Variants in CISD2 observed in about 807,000 individuals in gnomAD.
CISD2 encodes the protein CDGSH iron sulfur domain 2.
Under a neutral mutation model 12.9 loss-of-function variants are expected in CISD2, and 1 was observed. The observed-to-expected ratio is 0.08, with a 90% confidence interval of 0.03 to 0.37. The LOEUF is 0.37. CISD2 is among the 10% of genes least tolerant of loss of function. The pLI, the probability that CISD2 is intolerant of heterozygous loss-of-function variation, is 0.99. For synonymous variants in CISD2, 50 were observed against 60.6 expected (o/e 0.83, Z 0.81); for missense variants, 97 against 163.1 (o/e 0.59, Z 2.21).
intron 1 of CISD2, among the ~76,000 whole-genome samples, chr4:102,870,547 T>C (rs1348034036): frequency 6.6e-6 from 1 of 152,200 alleles, no homozygotes; most frequent in Non-Finnish European, 1.5e-5. Context: ...TTAAGAGTTT[T>C]AGTAGAAAAC....
intron 1 of CISD2, among the ~76,000 whole-genome samples, chr4:102,873,989 G>A (rs1020713779): frequency 2.0e-5 from 3 of 151,962 alleles, no homozygotes; most frequent in Non-Finnish European, 4.4e-5. Context: ...AGCCGGGTGT[G>A]GTAGTGCACA....
At chr4:102,874,755 G>T (rs556452981) in intron 1 of CISD2, 1 of 152,190 alleles carries the variant, frequency 6.6e-6, no homozygotes, top group Non-Finnish European at 1.5e-5. Flanking sequence ...GCAGTTTAGG[G>T]AATCCTAGTA....
chr4:102,891,253 C>T lies in CISD2; in HGVS notation c.*3823C>T, dbSNP rs750652878. On this transcript the variant is annotated 3_prime_UTR_variant, in exon 3 of 3. Coordinates refer to ENST00000273986, the MANE Select transcript of CISD2 (RefSeq NM_001008388.5). The stretch of plus-strand genomic sequence containing the variant: ...CCAGAGTCTACTTATTCTTACTTCA[C>T]ATTGAATTCTAACAAGTTTGGTTAT... 14 of 152,124 alleles carry T rather than the reference C, an allele frequency of 9.2e-5. No individual in the cohort carries two copies. The highest frequency in any genetic ancestry group is 1.9e-4 in the Non-Finnish European group (13 of 68,026). The allele number at this position is 152,124 out of a possible 1,614,324, so 9.4% of individuals were successfully genotyped here. A position where few individuals can be genotyped will look rare whatever the true frequency, so the allele number is the denominator to read the frequency against.
At chr4:102,883,499 C>T (rs1411544708) in intron 1 of CISD2, among the ~76,000 whole-genome samples, 1 of 152,198 alleles carries the variant, frequency 6.6e-6, no homozygotes, top group East Asian at 1.9e-4. Flanking sequence ...GTATCCTCTC[C>T]TCTTGGGAAC....
chr4:102,890,807 TCC>T lies in CISD2; in HGVS notation c.*3378_*3379del. 1 of 111,584 alleles carries T rather than the reference TCC, an allele frequency of 9.0e-6. No homozygotes were observed. Among genetic ancestry groups the T allele is most frequent in the Admixed American group, 1.1e-4 (1 of 8,926 alleles). 6.9% of individuals were successfully genotyped at this position (111,584 alleles called of 1,614,324 possible). A position where few individuals can be genotyped will look rare whatever the true frequency, so the allele number is the denominator to read the frequency against. ...GTGAGCCAAGATTGTGCCACTGCACTCCAGCCTGGGCAACAGAAGTGAAACCC... is the reference window on the plus strand; with the variant it reads ...GTGAGCCAAGATTGTGCCACTGCACTAGCCTGGGCAACAGAAGTGAAACCC... On this transcript the variant is annotated 3_prime_UTR_variant, in exon 3 of 3. Coordinates refer to ENST00000273986, the MANE Select transcript of CISD2 (RefSeq NM_001008388.5).
intron 1 of CISD2, among the ~76,000 whole-genome samples, chr4:102,874,292 C>T (rs1362703111): frequency 1.3e-5 from 2 of 152,012 alleles, no homozygotes; most frequent in African/African-American, 4.8e-5. Flanking sequence ...TATTCATGGA[C>T]ATGAAGATGG....
Position 102,869,074 on chromosome 4 carries a change from C to T in CISD2, c.-11C>T, listed in dbSNP as rs539010424. The T allele has an allele frequency of 7.5e-6, 12 of 1,605,106 alleles. No homozygotes were observed. The highest frequency in any genetic ancestry group is 2.7e-5 in the African/African-American group (2 of 74,746). Reference sequence around the variant, plus strand: ...GGGGGCTCGGGAGAGGAGTGGACGCCGCTGGCCAGGATGGTGCTGGAGAGC... The same window carrying T: ...GGGGGCTCGGGAGAGGAGTGGACGCTGCTGGCCAGGATGGTGCTGGAGAGC... On this transcript the variant is annotated 5_prime_UTR_variant, in exon 1 of 3. Transcript: ENST00000273986.
intron 1 of CISD2, among the ~76,000 whole-genome samples, chr4:102,876,050 A>G (rs1449474290): frequency 6.6e-6 from 1 of 152,100 alleles, no homozygotes; most frequent in East Asian, 1.9e-4. Context: ...TATTTCCTTT[A>G]TAACAGTTAC....
chr4:102,886,806 C>T (rs1349271803), intron 2 of CISD2, among the ~76,000 whole-genome samples: 7 of 151,868 alleles, frequency 4.6e-5, no homozygotes, highest in Admixed American at 6.6e-5. Context: ...TTAGAGATGG[C>T]GTTTTACCAT....
intron 1 of CISD2, chr4:102,874,674 G>A (rs1056429282): frequency 2.6e-5 from 4 of 152,148 alleles, no homozygotes; most frequent in Non-Finnish European, 5.9e-5. Context: ...CTAGAACTGT[G>A]AGTGAATACG....
At position 102,869,034 on chromosome 4, in the gene CISD2, C is replaced by G; in HGVS notation, c.-51C>G. On this transcript the variant is annotated 5_prime_UTR_variant, in exon 1 of 3. Coordinates refer to ENST00000273986, the MANE Select transcript of CISD2 (RefSeq NM_001008388.5). The stretch of plus-strand genomic sequence containing the variant: ...TCCGCTCCCGGCGCAGGCGCGGCAG[C>G]TTGGCCAGAGCGGAGGGGGCTCGGG... The G allele has an allele frequency of 6.4e-7, 1 of 1,562,920 alleles. No homozygotes were observed.
intron 2 of CISD2, 76 bp downstream of exon 2, chr4:102,885,506 A>C (rs929330494): frequency 3.6e-6 from 4 of 1,119,792 alleles, no homozygotes; most frequent in Non-Finnish European, 5.4e-6. Context: ...CCCAGTTTTG[A>C]AGTTCTTTAA....
In CISD2 at chr4:102,869,002, G is replaced by A; in HGVS notation, c.-83G>A. On this transcript the variant is annotated 5_prime_UTR_variant, in exon 1 of 3. Coordinates refer to ENST00000273986, the MANE Select transcript of CISD2 (RefSeq NM_001008388.5). ...CAGGCCGAGGCCGCCAGTGCCCGCC[G>A]GCCGCTTCCGCTCCCGGCGCAGGCG... 6.9e-7 allele frequency: 1 copy of A among 1,445,762 alleles called. No individual in the cohort carries two copies. The highest frequency in any genetic ancestry group is 1.4e-5 in the South Asian group (1 of 72,242). The allele number at this position is 1,445,762 out of a possible 1,614,324, so 89.6% of individuals were successfully genotyped here.
intron 1 of CISD2, chr4:102,869,550 CGTT>C (rs1446753169): frequency 1.4e-6 from 1 of 701,746 alleles, no homozygotes; most frequent in African/African-American, 1.7e-5. Flanking sequence ...GCTAAGTCGT[CGTT>C]ATCTAAGGCC....
At chr4:102,882,197 T>G (rs1346120903) in intron 1 of CISD2, among the ~76,000 whole-genome samples, 7 of 151,986 alleles carry the variant, frequency 4.6e-5, no homozygotes, top group Admixed American at 3.9e-4. Context: ...GTCTCAAAAA[T>G]AAATAAATAA....
chr4:102,875,732 G>A (rs1303873982), intron 1 of CISD2, among the ~76,000 whole-genome samples: 1 of 152,184 alleles, frequency 6.6e-6, no homozygotes, highest in African/African-American at 2.4e-5. Context: ...TTGGGGAGGA[G>A]ACAAATATTT....
chr4:102,883,268 C>G lies in CISD2; in HGVS notation c.104-1948C>G, dbSNP rs367893180. Among the ~76,000 whole-genome samples, 7 of 152,150 alleles carry G rather than the reference C, an allele frequency of 4.6e-5. No homozygotes were observed. In the South Asian group the frequency reaches 8.3e-4, roughly 18 times the overall value. ...CAGTATTTCTCCAGTCAATATTTCT[C>G]CTGCCCTAAGTCACCCCAGGGACAG... On this transcript the variant is annotated intron_variant, in intron 1 of 2. Transcript: ENST00000273986.
At chr4:102,884,449 A>G (rs752056662) in intron 1 of CISD2, among the ~76,000 whole-genome samples, 1 of 152,254 alleles carries the variant, frequency 6.6e-6, no homozygotes, top group South Asian at 2.1e-4. Flanking sequence ...CTATAAGAAC[A>G]GAAAAGAGCC....
chr4:102,879,180 G>T (rs1733657334), intron 1 of CISD2, among the ~76,000 whole-genome samples: 2 of 152,128 alleles, frequency 1.3e-5, no homozygotes, highest in South Asian at 4.1e-4. Flanking sequence ...GGGATTATGG[G>T]ATTACAATTT....
Sources: allele counts gnomAD v4.1 joint callset (sites outside exome capture counted in the v4.1 genomes callset), GRCh38; gene constraint gnomAD v4.1.1; transcripts MANE v1.5; gene names NCBI Gene and HGNC (gene_info 2026-07-23, HGNC 2026-07-21).